The following NAALADL2 variants were observed in gnomAD, a reference collection of about 807,000 sequenced individuals.
NAALADL2 encodes the protein inactive N-acetylated-alpha-linked acidic dipeptidase-like protein 2.
A neutral mutation model predicts 87.2 loss-of-function variants in NAALADL2; 76 were observed. The ratio of observed to expected loss-of-function variants is 0.87; its 90% CI spans 0.72 to 1.05. NAALADL2 has a LOEUF of 1.05. Among genes scored for constraint, NAALADL2 ranks in the 50% least tolerant of loss-of-function variants. The pLI is 0.00. For synonymous variants in NAALADL2, 354 were observed against 331.0 expected (o/e 1.07, Z -0.75); for missense variants, 1,089 against 945.8 (o/e 1.15, Z -1.99).
chr3:175,239,084 C>T (rs1047383165), intron 3 of NAALADL2, among the ~76,000 whole-genome samples: 1 of 152,156 alleles, frequency 6.6e-6, no homozygotes, highest in Non-Finnish European at 1.5e-5. Flanking sequence ...ACTTCAAAAA[C>T]CTACTTAGTG....
intron 10 of NAALADL2, among the ~76,000 whole-genome samples, chr3:175,600,713 A>C (rs1407695829): frequency 6.6e-6 from 1 of 150,396 alleles, no homozygotes; most frequent in Non-Finnish European, 1.5e-5. Context: ...AATTTTTTGT[A>C]TTTTTAGTAG....
At chr3:175,041,600 T>G (rs1182804923) in intron 1 of NAALADL2, among the ~76,000 whole-genome samples, 1 of 152,110 alleles carries the variant, frequency 6.6e-6, no homozygotes, top group East Asian at 1.9e-4. Context: ...TTTAAAAGTG[T>G]GGTTTCCATG....
chr3:175,062,323 T>C (rs760095294), intron 1 of NAALADL2, among the ~76,000 whole-genome samples: 3 of 152,180 alleles, frequency 2.0e-5, no homozygotes, highest in Non-Finnish European at 4.4e-5. Flanking sequence ...GCTCATTCTA[T>C]GGCAATCTTA....
At chr3:175,127,193 T>C (rs1323898747) in intron 2 of NAALADL2, among the ~76,000 whole-genome samples, 3 of 152,050 alleles carry the variant, frequency 2.0e-5, no homozygotes, top group East Asian at 1.9e-4. Flanking sequence ...CAGAAAAAGG[T>C]AAATACAATA....
intron 5 of NAALADL2, among the ~76,000 whole-genome samples, chr3:175,360,801 A>G (rs1311547237): frequency 7.0e-6 from 1 of 143,118 alleles, no homozygotes; most frequent in Non-Finnish European, 1.5e-5. Context: ...ATGGCTGAGT[A>G]ATATTCCACT....
At position 175,616,411 on chromosome 3, in the gene NAALADL2, T is replaced by C. The variant is rs574044937; in HGVS notation, c.1801-10880T>C. On this transcript the variant is annotated intron_variant, in intron 10 of 13. Coordinates refer to ENST00000454872, the MANE Select transcript of NAALADL2 (RefSeq NM_207015.3). Reference sequence around the variant, plus strand: ...AAATCTACATATATTTACATTATTCTGAATATAAACATTAGGTTTCTGGAG... The same window carrying C: ...AAATCTACATATATTTACATTATTCCGAATATAAACATTAGGTTTCTGGAG... 2.6e-5 allele frequency among the ~76,000 whole-genome samples: 4 copies of C among 152,136 alleles called. No individual in the cohort carries two copies. The East Asian group carries it at 5.8e-4, about 22-fold the overall frequency.
chr3:174,787,679 T>C (rs1716978195), intron 3 of NAALADL2, among the ~76,000 whole-genome samples: 1 of 138,614 alleles, frequency 7.2e-6, no homozygotes. Flanking sequence ...AAAACTGGAC[T>C]TTTTGAAATA....
intron 1 of NAALADL2, among the ~76,000 whole-genome samples, chr3:175,086,047 C>T (rs532598532): frequency 2.0e-5 from 3 of 152,212 alleles, no homozygotes; most frequent in South Asian, 2.1e-4. Flanking sequence ...AAGAGTCTTT[C>T]GTTTTTCATA....
At chr3:175,785,795 A>T (rs1287848780) in intron 13 of NAALADL2, among the ~76,000 whole-genome samples, 1 of 150,358 alleles carries the variant, frequency 6.7e-6, no homozygotes, top group African/African-American at 2.5e-5. Context: ...GTTTCTTCCT[A>T]GTCTTGATGG....
intron 3 of NAALADL2, among the ~76,000 whole-genome samples, chr3:175,236,137 T>C (rs932572063): frequency 3.9e-5 from 6 of 152,198 alleles, no homozygotes; most frequent in Admixed American, 1.3e-4. Flanking sequence ...GAAAATTAAA[T>C]TTCTATGACT....
chr3:174,762,824 A>G (rs1305059458), intron 3 of NAALADL2, among the ~76,000 whole-genome samples: 2 of 151,800 alleles, frequency 1.3e-5, no homozygotes, highest in Non-Finnish European at 2.9e-5. Context: ...TGCCAATAAT[A>G]AAAAAAAATC....
At chr3:175,258,264 C>G (rs1056473298) in intron 4 of NAALADL2, among the ~76,000 whole-genome samples, 1 of 150,228 alleles carries the variant, frequency 6.7e-6, no homozygotes, top group Middle Eastern at 3.4e-3. Context: ...GCCGAGATCA[C>G]GCCACTGCAC....
chr3:175,562,168 G>GA (rs1247748088), intron 9 of NAALADL2, among the ~76,000 whole-genome samples: 1 of 152,072 alleles, frequency 6.6e-6, no homozygotes, highest in Non-Finnish European at 1.5e-5. Flanking sequence ...CCCAGTATGG[G>GA]GTTAAAGAGT....
intron 2 of NAALADL2, among the ~76,000 whole-genome samples, chr3:175,181,724 T>C (rs377707804): frequency 2.2e-5 from 1 of 46,432 alleles, no homozygotes; most frequent in African/African-American, 5.9e-5. Flanking sequence ...TGTGTATATA[T>C]ATGTATATAT....
intron 4 of NAALADL2, among the ~76,000 whole-genome samples, chr3:175,293,900 A>T (rs1374609972): frequency 1.3e-5 from 2 of 152,240 alleles, no homozygotes; most frequent in East Asian, 3.8e-4. Flanking sequence ...TTGATAGATC[A>T]AAGTGAATAC....
At chr3:174,851,904 G>T (rs1464032710) in intron 3 of NAALADL2, among the ~76,000 whole-genome samples, 3 of 152,088 alleles carry the variant, frequency 2.0e-5, no homozygotes. Context: ...TCATCCCAGG[G>T]ATGCAACGAT....
intron 1 of NAALADL2, among the ~76,000 whole-genome samples, chr3:174,880,186 A>G (rs1729026342): frequency 6.6e-6 from 1 of 151,950 alleles, no homozygotes; most frequent in African/African-American, 2.4e-5. Context: ...CTAGAGTCCT[A>G]TGGCCAATTA....
At chr3:175,024,108 T>C (rs971752669) in intron 1 of NAALADL2, among the ~76,000 whole-genome samples, 1 of 152,088 alleles carries the variant, frequency 6.6e-6, no homozygotes, top group African/African-American at 2.4e-5. Flanking sequence ...TGACATCAGT[T>C]TTCCTTTTTA....
intron 3 of NAALADL2, among the ~76,000 whole-genome samples, chr3:175,246,414 A>G (rs555183863): frequency 6.6e-6 from 1 of 152,350 alleles, no homozygotes; most frequent in Non-Finnish European, 1.5e-5. Context: ...CATTTTGTAC[A>G]TTCTGAGTCT....
Sources: gnomAD v4.1 joint callset for allele counts (sites outside exome capture counted in the v4.1 genomes callset) on GRCh38, gnomAD v4.1.1 for gene constraint, MANE v1.5 for transcripts, NCBI Gene and HGNC (gene_info 2026-07-23, HGNC 2026-07-21) for gene names.